PDZD2: variants seen among roughly 807,000 people sequenced by gnomAD.
PDZD2 encodes the protein PDZ domain containing 2.
Under a neutral mutation model 220.7 loss-of-function variants are expected in PDZD2, and 90 were observed. The observed-to-expected ratio is 0.41, with a 90% CI of 0.34 to 0.49. PDZD2 has a LOEUF of 0.49. Among genes scored for constraint, PDZD2 ranks in the 20% least tolerant of loss-of-function variants. The pLI is 0.28. For synonymous variants in PDZD2, 1,375 were observed against 1,450.5 expected (o/e 0.95, Z 1.18); for missense variants, 3,174 against 3,608.5 (o/e 0.88, Z 3.08).
intron 1 of PDZD2, among the ~76,000 whole-genome samples, chr5:31,652,749 G>A (rs112905475): frequency 1.3e-5 from 2 of 152,158 alleles, no homozygotes; most frequent in Non-Finnish European, 2.9e-5. Context: ...AGTGGCTCAC[G>A]CCTGTAATCC....
At chr5:32,044,438 G>A (rs188630930) in intron 7 of PDZD2, among the ~76,000 whole-genome samples, 41 of 152,286 alleles carry the variant, frequency 2.7e-4, no homozygotes, top group Non-Finnish European at 5.3e-4. Context: ...TACAGGGAGT[G>A]GAAGTCTGTC....
chr5:32,045,043 A>G (rs938975936), intron 7 of PDZD2, among the ~76,000 whole-genome samples: 24 of 152,254 alleles, frequency 1.6e-4, no homozygotes, highest in Non-Finnish European at 1.9e-4. Context: ...TGGTATCCAC[A>G]TATCAGCATA....
chr5:31,724,557 G>A (rs253918), intron 1 of PDZD2, among the ~76,000 whole-genome samples: 28,787 of 144,726 alleles, frequency 0.2, 3,114 homozygotes, highest in East Asian at 0.35. Flanking sequence ...AGCCGAGATC[G>A]TGCCATTGCA....
rs560049495 is a variant in PDZD2, at chr5:31,677,744, T to A, written c.-361+38307T>A. On this transcript the variant is annotated intron_variant, in intron 1 of 24. Coordinates refer to ENST00000438447, the MANE Select transcript of PDZD2 (RefSeq NM_178140.4). ...TGAATCTCAGGATCATTATGCTGAGTGAAAGAAGCAAGACAAAAAAGAGTA... is the reference window on the plus strand; with the variant it reads ...TGAATCTCAGGATCATTATGCTGAGAGAAAGAAGCAAGACAAAAAAGAGTA... Among the ~76,000 whole-genome samples the A allele has an allele frequency of 4.0e-5, 6 of 151,822 alleles. No homozygotes were observed. In the South Asian group the frequency reaches 1.2e-3, roughly 32 times the overall value.
At chr5:31,844,699 C>G (rs142560552) in intron 2 of PDZD2, among the ~76,000 whole-genome samples, 33 of 152,266 alleles carry the variant, frequency 2.2e-4, no homozygotes, top group African/African-American at 7.5e-4. Context: ...CCAGCCCCTG[C>G]TAGATGAAGG....
At position 32,090,716 on chromosome 5, in the gene PDZD2, T is replaced by C. The variant is rs755581097; in HGVS notation, c.7268T>C (p.Leu2423Pro). 24 of 1,613,980 alleles carry C rather than the reference T, an allele frequency of 1.5e-5. No homozygotes were observed. The South Asian group carries it at 2.4e-4, about 16-fold the overall frequency. ...QMAKSPSIMT[L>P]TISRQNPPET... ...GCCAAGTCTCCCTCAATCATGACAC[T>C]GACCATCTCTCGGCAGAACCCACCA... The change falls in exon 20 of 25, where the codon CTG (leucine) becomes CCG (proline). Residue 2423 changes from leucine to proline, a missense_variant. Physicochemically the swap from Leu to Pro is moderately conservative, Grantham distance 98. Coordinates refer to ENST00000438447, the MANE Select transcript of PDZD2 (RefSeq NM_178140.4). This position sits in a 1 kb window ranked among gnomAD's most constrained non-coding sequence, Gnocchi z 4.3.
At chr5:31,926,592 A>G (rs1281094990) in intron 2 of PDZD2, among the ~76,000 whole-genome samples, 1 of 151,754 alleles carries the variant, frequency 6.6e-6, no homozygotes, top group African/African-American at 2.4e-5. Context: ...GGCTTTGGAG[A>G]AAAGTGAATG....
At chr5:31,962,179 C>T (rs1468968537) in intron 2 of PDZD2, among the ~76,000 whole-genome samples, 1 of 152,142 alleles carries the variant, frequency 6.6e-6, no homozygotes, top group Non-Finnish European at 1.5e-5. Flanking sequence ...CCCCCTTTTT[C>T]AGCTCTTCTC....
At chr5:32,006,024 G>C (rs1581258468) in intron 5 of PDZD2, among the ~76,000 whole-genome samples, 2 of 152,056 alleles carry the variant, frequency 1.3e-5, no homozygotes, top group East Asian at 3.9e-4. Flanking sequence ...GCGTGCACCT[G>C]TAATCCCAGC....
chr5:32,030,553 C>T (rs1358529593), intron 6 of PDZD2, among the ~76,000 whole-genome samples: 1 of 152,156 alleles, frequency 6.6e-6, no homozygotes. Flanking sequence ...TATAGGTTTG[C>T]ATGCTGAATT....
intron 1 of PDZD2, among the ~76,000 whole-genome samples, chr5:31,786,427 G>A (rs1456622351): frequency 6.6e-6 from 1 of 152,160 alleles, no homozygotes; most frequent in Non-Finnish European, 1.5e-5. Context: ...GTTCCAAAGA[G>A]CTTTTATTCA....
intron 1 of PDZD2, among the ~76,000 whole-genome samples, chr5:31,720,923 T>C (rs1322541794): frequency 6.6e-6 from 1 of 152,228 alleles, no homozygotes. Context: ...ATAGGGGTTC[T>C]GGTTTCTATG....
intron 2 of PDZD2, among the ~76,000 whole-genome samples, chr5:31,907,649 A>G (rs932394442): frequency 2.0e-5 from 3 of 152,298 alleles, no homozygotes; most frequent in Non-Finnish European, 2.9e-5. Flanking sequence ...GTGAAATACA[A>G]TATTTTATAT....
intron 6 of PDZD2, among the ~76,000 whole-genome samples, chr5:32,023,929 C>T (rs957327123): frequency 1.3e-5 from 2 of 152,234 alleles, no homozygotes; most frequent in Admixed American, 1.3e-4. Context: ...CTCATGCTGT[C>T]TTGCTCTGTC....
At chr5:31,872,967 G>T (rs1401231946) in intron 2 of PDZD2, among the ~76,000 whole-genome samples, 1 of 152,054 alleles carries the variant, frequency 6.6e-6, no homozygotes, top group Non-Finnish European at 1.5e-5. Context: ...GAGACATTTG[G>T]TTTTCCATAT....
intron 2 of PDZD2, among the ~76,000 whole-genome samples, chr5:31,916,506 C>A (rs765273268): frequency 3.9e-5 from 6 of 152,268 alleles, no homozygotes; most frequent in Non-Finnish European, 7.3e-5. Flanking sequence ...TGTCCCAGCC[C>A]AGCAAGTGAG....
chr5:32,067,294 A>C (rs990921248), intron 14 of PDZD2, among the ~76,000 whole-genome samples: 6 of 152,230 alleles, frequency 3.9e-5, no homozygotes, highest in African/African-American at 1.4e-4. Flanking sequence ...AGTGGAAGAA[A>C]GTAATAGAAG....
intron 1 of PDZD2, among the ~76,000 whole-genome samples, chr5:31,642,397 G>A (rs565506683): frequency 1.3e-5 from 2 of 152,190 alleles, no homozygotes; most frequent in South Asian, 4.2e-4. Flanking sequence ...TCTCAGAGAC[G>A]CCCATCCCCA....
intron 1 of PDZD2, among the ~76,000 whole-genome samples, chr5:31,677,048 A>T (rs539503943): frequency 1.3e-5 from 2 of 152,138 alleles, no homozygotes; most frequent in South Asian, 2.1e-4. Context: ...GGTCAGCCCT[A>T]TGAAAAAAGG....
Sources: allele counts gnomAD v4.1 joint callset (sites outside exome capture counted in the v4.1 genomes callset), GRCh38; gene constraint gnomAD v4.1.1; non-coding constraint Gnocchi (gnomAD v3.1); transcripts MANE v1.5; gene names NCBI Gene and HGNC (gene_info 2026-07-23, HGNC 2026-07-21).